Variants in KMT2C observed in about 807,000 individuals in gnomAD.
KMT2C encodes histone-lysine N-methyltransferase 2C.
In KMT2C, 88 loss-of-function variants were observed where a neutral mutation model predicts 507.9. The observed-to-expected ratio is 0.17, with a 90% CI of 0.15 to 0.21. The LOEUF is 0.21. Ranked by LOEUF, KMT2C falls within the 10% of genes least tolerant of loss-of-function variation. The pLI, the probability that KMT2C is intolerant of heterozygous loss-of-function variation, is 1.00. For missense variants in KMT2C, 4,954 were observed against 5,957.8 expected (o/e 0.83, Z 5.55); for synonymous variants, 2,049 against 2,080.8 (o/e 0.98, Z 0.42).
intron 4 of KMT2C, among the ~76,000 whole-genome samples, chr7:152,314,881 A>G (rs1005300650): frequency 3.9e-5 from 6 of 152,130 alleles, no homozygotes; most frequent in African/African-American, 1.4e-4. Flanking sequence ...TTTTCTTCCA[A>G]AAGTTTAGTT....
chr7:152,219,611 A>T (rs928459911), intron 23 of KMT2C, among the ~76,000 whole-genome samples: 2 of 152,132 alleles, frequency 1.3e-5, no homozygotes, highest in Non-Finnish European at 2.9e-5. Flanking sequence ...CTATGAAATA[A>T]AATATAATCA....
At chr7:152,274,789 C>T (rs916554270) in intron 6 of KMT2C, among the ~76,000 whole-genome samples, 1 of 152,314 alleles carries the variant, frequency 6.6e-6, no homozygotes, top group East Asian at 1.9e-4. Flanking sequence ...TATGCCATTA[C>T]ATGATCAGTT....
intron 41 of KMT2C, among the ~76,000 whole-genome samples, 168 bp downstream of exon 41, chr7:152,169,018 C>T (rs1054664489): frequency 6.6e-6 from 1 of 152,156 alleles, no homozygotes; most frequent in East Asian, 1.9e-4. Flanking sequence ...GCAATGAAAA[C>T]ACACGCCTTG....
In KMT2C at chr7:152,162,945, G is replaced by A. The variant is rs2092535659; in HGVS notation, c.10632C>T (p.Phe3544=). The A allele has an allele frequency of 6.2e-7, 1 of 1,614,172 alleles. No individual in the cohort carries two copies. The highest frequency in any genetic ancestry group is 1.1e-5 in the South Asian group (1 of 91,084). The change falls in exon 43 of 59, where the codon TTC becomes TTT. Residue 3544 remains phenylalanine, a synonymous_variant. Coordinates refer to ENST00000262189, the MANE Select transcript of KMT2C (RefSeq NM_170606.3). Reference sequence around the variant, plus strand: ...AAGAAGGCCTCACTGGGGACTGCTGGAAGCTGGTCCCAGAAAGATTTCCAT... The same window carrying A: ...AAGAAGGCCTCACTGGGGACTGCTGAAAGCTGGTCCCAGAAAGATTTCCAT... ...QGHGNLSGTS[F]QQSPVRPSFT... is the part of the protein sequence containing the mutation.
At position 152,163,028 on chromosome 7, in the gene KMT2C, G is replaced by C. The variant is rs766848288; in HGVS notation, c.10549C>G (p.Pro3517Ala). ...CCAACAGGGATTGATGGTGAATCAG[G>C]AACAAATGAAGGAGGGCCTACCTGC... is the stretch of plus-strand genomic sequence containing the variant. Reference protein sequence around the residue: ...RRQVGPPSFVPDSPSIPVGSP... With the variant: ...RRQVGPPSFVADSPSIPVGSP... Residue 3517 changes from proline (P) to alanine (A), a missense_variant, in exon 43 of 59, where the codon CCT becomes GCT. Transcript: ENST00000262189. 6 of 1,614,206 alleles carry C rather than the reference G, an allele frequency of 3.7e-6. No homozygotes were observed. The Admixed American group carries it at 1.0e-4, about 27-fold the overall frequency.
At chr7:152,215,676 A>AATATATAAATATAT (rs1554539456) in intron 23 of KMT2C, among the ~76,000 whole-genome samples, 2 of 134,510 alleles carry the variant, frequency 1.5e-5, no homozygotes, top group African/African-American at 6.9e-5. Context: ...AAAGGAACAA[A>AATATATAAATATAT]ATATATATAT....
At chr7:152,243,231 A>G (rs202170697) in intron 14 of KMT2C, among the ~76,000 whole-genome samples, 1 of 152,218 alleles carries the variant, frequency 6.6e-6, no homozygotes. Context: ...ATTAGGTGGC[A>G]CTAGCAACAG....
rs587778500 is a variant in KMT2C, at chr7:152,176,994, T to A, written c.8459A>T (p.Asn2820Ile). 1.9e-6 allele frequency: 3 copies of A among 1,614,076 alleles called. No homozygotes were observed. Among genetic ancestry groups the A allele is most frequent in the Non-Finnish European group, 2.5e-6 (3 of 1,179,926 alleles). ...AGACAGTACTTCCGTTTTTACCTCA[T>A]TGGTAACAGTGGATTTTTTCTGTGG... Reference protein sequence around the residue: ...HSPQKKSTVTNEVKTEVLSPN... With the variant: ...HSPQKKSTVTIEVKTEVLSPN... Residue 2820 changes from asparagine (N) to isoleucine (I), a missense_variant, in exon 38 of 59, where the codon AAT becomes ATT. This residue lies in a region of KMT2C where 1,689 missense variants were observed against 1,654.3 expected (regional missense o/e 1.02). Coordinates refer to ENST00000262189, the MANE Select transcript of KMT2C (RefSeq NM_170606.3).
intron 2 of KMT2C, among the ~76,000 whole-genome samples, chr7:152,346,173 A>T (rs1478800275): frequency 6.6e-6 from 1 of 152,250 alleles, no homozygotes; most frequent in African/African-American, 2.4e-5. Context: ...CCCTCTCAGA[A>T]ATAGATCTGG....
chr7:152,399,448 A>C (rs941544541), intron 1 of KMT2C, among the ~76,000 whole-genome samples: 6 of 152,172 alleles, frequency 3.9e-5, no homozygotes, highest in Non-Finnish European at 8.8e-5. Context: ...AGTCTGGGAG[A>C]GAGGAAACTA....
At chr7:152,295,444 A>C (rs2096482326) in intron 6 of KMT2C, among the ~76,000 whole-genome samples, 1 of 152,172 alleles carries the variant, frequency 6.6e-6, no homozygotes, top group Admixed American at 6.5e-5. Context: ...ATACCCTCAT[A>C]GTTTCAAACC....
chr7:152,335,345 C>T (rs1190571762), intron 2 of KMT2C, among the ~76,000 whole-genome samples: 1 of 152,030 alleles, frequency 6.6e-6, no homozygotes, highest in Non-Finnish European at 1.5e-5. Context: ...TGGGATATAC[C>T]CATTTTATAC....
At chr7:152,433,557 C>T (rs975977979) in intron 1 of KMT2C, among the ~76,000 whole-genome samples, 40 of 152,172 alleles carry the variant, frequency 2.6e-4, no homozygotes, top group African/African-American at 9.4e-4. Context: ...TCAAATTTAC[C>T]AGTAGACTTT....
At chr7:152,299,790 T>C (rs2096550509) in intron 6 of KMT2C, among the ~76,000 whole-genome samples, 1 of 151,916 alleles carries the variant, frequency 6.6e-6, no homozygotes. Flanking sequence ...ATACATTTAA[T>C]GTGATTGTCT....
chr7:152,335,015 T>C (rs1232510115), intron 2 of KMT2C, among the ~76,000 whole-genome samples: 1 of 152,170 alleles, frequency 6.6e-6, no homozygotes, highest in South Asian at 2.1e-4. Context: ...CGTGAAACAC[T>C]GATAATGGAG....
In KMT2C at chr7:152,171,353, A is replaced by C. The variant is rs2129108639; in HGVS notation, c.9375-11T>G. On this transcript the variant is annotated splice_polypyrimidine_tract_variant and intron_variant, in intron 39 of 58. Coordinates refer to ENST00000262189, the MANE Select transcript of KMT2C (RefSeq NM_170606.3). ...CCCATAAAAGGGAACCTGTCAAAAC[A>C]GGGTACACAAGTATCAAGTGATGAG... 6.4e-7 allele frequency: 1 copy of C among 1,567,464 alleles called. No individual in the cohort carries two copies. Among genetic ancestry groups the C allele is most frequent in the Non-Finnish European group, 8.7e-7 (1 of 1,146,082 alleles).
intron 3 of KMT2C, among the ~76,000 whole-genome samples, chr7:152,319,142 A>T (rs1156344289): frequency 6.6e-6 from 1 of 152,190 alleles, no homozygotes. Flanking sequence ...ACGAAACATA[A>T]ATGAATTTCT....
chr7:152,350,998 C>T (rs952777338), intron 2 of KMT2C, among the ~76,000 whole-genome samples: 23 of 152,120 alleles, frequency 1.5e-4, no homozygotes, highest in African/African-American at 5.3e-4. Flanking sequence ...CCCAGGCCTA[C>T]ACGAAGTCGG....
intron 33 of KMT2C, among the ~76,000 whole-genome samples, chr7:152,186,575 A>G (rs1004012390): frequency 6.6e-6 from 1 of 152,228 alleles, no homozygotes; most frequent in African/African-American, 2.4e-5. Flanking sequence ...CATCCAAATG[A>G]AAAGTCACTT....
Sources: allele counts gnomAD v4.1 joint callset (sites outside exome capture counted in the v4.1 genomes callset), GRCh38; gene constraint gnomAD v4.1.1; regional missense constraint gnomAD v4.1.1; transcripts MANE v1.5; gene names NCBI Gene and HGNC (gene_info 2026-07-23, HGNC 2026-07-21).